Variants in DAB2IP observed in about 807,000 individuals in gnomAD.
DAB2IP encodes the protein disabled homolog 2-interacting protein.
Under a neutral mutation model 107.2 loss-of-function variants are expected in DAB2IP, and 28 were observed. The observed-to-expected ratio is 0.26, with a 90% CI of 0.19 to 0.36. DAB2IP has a LOEUF of 0.36. DAB2IP is among the 10% of genes least tolerant of loss of function. The pLI is 1.00. For missense variants in DAB2IP, 1,400 were observed against 1,644.7 expected, an observed-to-expected ratio of 0.85 and a Z score of 2.57; for synonymous variants, 755 against 706.4, an observed-to-expected ratio of 1.07 and a Z score of -1.09.
chr9:121,730,011 G>GA (rs1319837900), intron 3 of DAB2IP, among the ~76,000 whole-genome samples: 1 of 152,152 alleles, frequency 6.6e-6, no homozygotes, highest in Non-Finnish European at 1.5e-5. Context: ...CTGGGGCCCA[G>GA]AGGGGACCAG....
At chr9:121,589,917 TCCC>T (rs1830391366) in intron 1 of DAB2IP, among the ~76,000 whole-genome samples, 3 of 11,548 alleles carry the variant, frequency 2.6e-4, no homozygotes, top group Non-Finnish European at 5.6e-4. Flanking sequence ...CCAGTCCTGC[TCCC>T]TTCCCTTCCC....
chr9:121,722,322 C>T (rs1403517377), intron 3 of DAB2IP, among the ~76,000 whole-genome samples: 1 of 152,302 alleles, frequency 6.6e-6, no homozygotes, highest in Middle Eastern at 3.4e-3. Flanking sequence ...CCTGTTCCTC[C>T]CCTGCAGGAG....
intron 2 of DAB2IP, among the ~76,000 whole-genome samples, chr9:121,695,282 TCCCAC>T (rs1161098350): frequency 6.6e-6 from 1 of 152,102 alleles, no homozygotes; most frequent in Non-Finnish European, 1.5e-5. Flanking sequence ...CCAGACTGAC[TCCCAC>T]CCTTGGTTGT....
At position 121,605,079 on chromosome 9, in the gene DAB2IP, G is replaced by C. The variant is rs147152854; in HGVS notation, c.40+37851G>C. On this transcript the variant is annotated intron_variant, in intron 1 of 16. Transcript: ENST00000259371. Reference sequence around the variant, plus strand: ...CTGTCGCCCAGGCTGGAGTGCAGTGGCGCGATCTTGACTCACTGCAACCTC... The same window carrying C: ...CTGTCGCCCAGGCTGGAGTGCAGTGCCGCGATCTTGACTCACTGCAACCTC... 1.2e-4 allele frequency among the ~76,000 whole-genome samples: 18 copies of C among 152,314 alleles called. No individual in the cohort carries two copies. In the East Asian group the frequency reaches 3.3e-3, roughly 28 times the overall value.
At chr9:121,642,374 T>C (rs1832384411) in intron 1 of DAB2IP, among the ~76,000 whole-genome samples, 1 of 151,912 alleles carries the variant, frequency 6.6e-6, no homozygotes, top group Admixed American at 6.6e-5. Context: ...CAGATGGGAT[T>C]TCACCATTGC....
chr9:121,627,947 TG>T (rs941714705), intron 1 of DAB2IP, among the ~76,000 whole-genome samples: 4 of 152,306 alleles, frequency 2.6e-5, no homozygotes, highest in African/African-American at 9.6e-5. Flanking sequence ...CACCCCTCCG[TG>T]GGGGTTCTGC....
At chr9:121,573,149 T>A (rs1340042419) in intron 1 of DAB2IP, among the ~76,000 whole-genome samples, 1 of 152,138 alleles carries the variant, frequency 6.6e-6, no homozygotes, top group Admixed American at 6.5e-5. Context: ...CAATCTCGGC[T>A]CACTCCAACC....
intron 1 of DAB2IP, among the ~76,000 whole-genome samples, chr9:121,612,972 G>A (rs1831147398): frequency 6.6e-6 from 1 of 152,198 alleles, no homozygotes; most frequent in Non-Finnish European, 1.5e-5. Context: ...TGGGGAGGGG[G>A]GATGTCAAAT....
At chr9:121,712,758 G>A (rs956259828) in intron 3 of DAB2IP, among the ~76,000 whole-genome samples, 5 of 152,204 alleles carry the variant, frequency 3.3e-5, no homozygotes, top group Non-Finnish European at 4.4e-5. Context: ...GGGTTCTACT[G>A]AACATATTCT....
chr9:121,783,688 TGTG>T, exon 16 of DAB2IP: 1 of 1,149,924 alleles, frequency 8.7e-7, no homozygotes, highest in Non-Finnish European at 1.3e-6. Flanking sequence ...GCCCCGTGTG[TGTG>T]GCCGGCCTCC....
rs1177855781 is a variant in DAB2IP at position 121,702,531 on chromosome 9, G to A, written c.362+3073G>A. On this transcript the variant is annotated intron_variant, in intron 3 of 15. Transcript: ENST00000408936. The surrounding 1 kb of genome is among the most constrained non-coding windows in gnomAD (Gnocchi z 4.5). ...ACTCATTTCTTCTTCAGAAGCTTTG[G>A]CAGTAAGCACCAAGGACAGGTGATC... Among the ~76,000 whole-genome samples, 1 of 152,180 alleles carries A rather than the reference G, an allele frequency of 6.6e-6. No homozygotes were observed. Among genetic ancestry groups the A allele is most frequent in the African/African-American group, 2.4e-5 (1 of 41,424 alleles).
At chr9:121,780,276 C>A (rs1481344344) in intron 14 of DAB2IP, among the ~76,000 whole-genome samples, 2 of 152,222 alleles carry the variant, frequency 1.3e-5, no homozygotes, top group East Asian at 1.9e-4. Flanking sequence ...ACCCCACCCC[C>A]AGCACAAGCT....
intron 1 of DAB2IP, among the ~76,000 whole-genome samples, chr9:121,581,095 A>C (rs528852170): frequency 2.0e-5 from 3 of 152,322 alleles, no homozygotes; most frequent in South Asian, 2.1e-4. Flanking sequence ...GGGGAGGAAC[A>C]GGGTTGTGCT....
chr9:121,713,700 G>A (rs1830449253), intron 3 of DAB2IP, among the ~76,000 whole-genome samples: 1 of 152,178 alleles, frequency 6.6e-6, no homozygotes, highest in South Asian at 2.1e-4. Flanking sequence ...GGGTGAATTT[G>A]TTCACAGCAG....
chr9:121,747,238 G>T (rs1173220783), intron 3 of DAB2IP, among the ~76,000 whole-genome samples: 1 of 152,088 alleles, frequency 6.6e-6, no homozygotes, highest in Non-Finnish European at 1.5e-5. Context: ...AGGGAGGGCT[G>T]CAGGGTTGTC....
chr9:121,695,716 C>T (rs1483070015), intron 2 of DAB2IP, among the ~76,000 whole-genome samples: 1 of 152,120 alleles, frequency 6.6e-6, no homozygotes, highest in Non-Finnish European at 1.5e-5. Flanking sequence ...CACCTATAAT[C>T]TTTGCAGATG....
chr9:121,734,385 A>G (rs1230925583), intron 3 of DAB2IP, among the ~76,000 whole-genome samples: 1 of 136,358 alleles, frequency 7.3e-6, no homozygotes, highest in African/African-American at 3.3e-5. Flanking sequence ...CTCCGTCTCA[A>G]AAAAAAAAAA....
In DAB2IP at chr9:121,568,660, C is replaced by T. The variant is rs2118876491; in HGVS notation, c.40+1432C>T. Among the ~76,000 whole-genome samples, 4 of 152,258 alleles carry T rather than the reference C, an allele frequency of 2.6e-5. 1 individual carries two copies. The Middle Eastern group carries it at 0.014, about 518-fold the overall frequency. On this transcript the variant is annotated intron_variant, in intron 1 of 16. Transcript: ENST00000259371. Reference sequence around the variant, plus strand: ...TGAGGGTGTGGGACAGGCCTGCCTGCCTCCAGAGCTGTTCACTGGAAGCTT... The same window carrying T: ...TGAGGGTGTGGGACAGGCCTGCCTGTCTCCAGAGCTGTTCACTGGAAGCTT...
In DAB2IP at chr9:121,775,520, G is replaced by A. The variant is rs185993661; in HGVS notation, c.3121-678G>A. ...ATGGCGTCTGGCCCCTCTCGATCCC[G>A]GCGTTGGCCTTTCCTCGCTCAGCGC... On this transcript the variant is annotated intron_variant, in intron 13 of 15. Transcript: ENST00000408936. Among the ~76,000 whole-genome samples, 38 of 152,258 alleles carry A rather than the reference G, an allele frequency of 2.5e-4. No individual in the cohort carries two copies. In the East Asian group the frequency reaches 3.7e-3, roughly 15 times the overall value.
Sources: gnomAD v4.1 joint callset for allele counts (sites outside exome capture counted in the v4.1 genomes callset) on GRCh38, gnomAD v4.1.1 for gene constraint, Gnocchi (gnomAD v3.1) non-coding constraint, MANE v1.5 for transcripts, NCBI Gene and HGNC (gene_info 2026-07-23, HGNC 2026-07-21) for gene names.